Variants in AKR1C8 observed in about 807,000 individuals in gnomAD.
AKR1C8 encodes the protein aldo-keto reductase family 1 member C-like protein 1.
At chr10:5,157,764 C>A in the AKR1C8 span, 1 of 471,672 alleles carries the variant, frequency 2.1e-6, no homozygotes, top group Admixed American at 2.3e-5. Flanking sequence ...ATTTCAAGAT[C>A]GGCTCCTCCA....
the AKR1C8 span, among the ~76,000 whole-genome samples, chr10:5,175,801 T>C: frequency 4.0e-5 from 6 of 150,158 alleles, no homozygotes; most frequent in Admixed American, 4.0e-4. Flanking sequence ...GTTCATGAAC[T>C]TCGCCCACTT....
chr10:5,121,371 G>A, the AKR1C8 span, among the ~76,000 whole-genome samples: 1 of 152,124 alleles, frequency 6.6e-6, no homozygotes, highest in Non-Finnish European at 1.5e-5. Flanking sequence ...ATCTTATCTT[G>A]GTAGAGGCCA....
At chr10:5,118,038 T>C in the AKR1C8 span, among the ~76,000 whole-genome samples, 6 of 152,126 alleles carry the variant, frequency 3.9e-5, no homozygotes, top group Non-Finnish European at 8.8e-5. Context: ...TTCATCCCAA[T>C]AGTTCCCAAA....
chr10:5,169,098 C>A, the AKR1C8 span, among the ~76,000 whole-genome samples: 1 of 69,004 alleles, frequency 1.4e-5, no homozygotes, highest in East Asian at 2.3e-4. Context: ...GGTCATAGGT[C>A]CAAATAACAC....
At chr10:5,179,311 A>G in the AKR1C8 span, among the ~76,000 whole-genome samples, 2 of 151,936 alleles carry the variant, frequency 1.3e-5, no homozygotes, top group Non-Finnish European at 2.9e-5. Flanking sequence ...ATTGGCCCCC[A>G]CTCTCTTCTG....
chr10:5,119,248 C>T, the AKR1C8 span, among the ~76,000 whole-genome samples: 1 of 152,096 alleles, frequency 6.6e-6, no homozygotes, highest in Admixed American at 6.6e-5. Context: ...GAACTAACAC[C>T]ATGCCAGAAC....
At chr10:5,117,815 A>G in the AKR1C8 span, among the ~76,000 whole-genome samples, 1 of 152,140 alleles carries the variant, frequency 6.6e-6, no homozygotes, top group African/African-American at 2.4e-5. Flanking sequence ...AGCAGCTATG[A>G]AAAAAGTAAT....
chr10:5,156,165 G>C, the AKR1C8 span, among the ~76,000 whole-genome samples: 4,778 of 152,192 alleles, frequency 0.031, 253 homozygotes, highest in African/African-American at 0.11. Context: ...TCCAGCCTTG[G>C]AATGACAGAG....
the AKR1C8 span, among the ~76,000 whole-genome samples, chr10:5,165,340 C>G: frequency 5.0e-3 from 764 of 152,262 alleles, 3 homozygotes; most frequent in Admixed American, 7.1e-3. Context: ...TGGAAAAAAT[C>G]TGGAGTCAGA....
the AKR1C8 span, among the ~76,000 whole-genome samples, chr10:5,147,757 T>G: frequency 6.6e-6 from 1 of 152,166 alleles, no homozygotes; most frequent in Non-Finnish European, 1.5e-5. Context: ...CTCTTACAGG[T>G]TGGAGTTCTA....
the AKR1C8 span, chr10:5,160,095 T>C: frequency 3.5e-6 from 1 of 287,844 alleles, no homozygotes; most frequent in Middle Eastern, 9.2e-4. Flanking sequence ...AAATCTGTTT[T>C]AACATATATA....
the AKR1C8 span, among the ~76,000 whole-genome samples, chr10:5,128,722 A>T: frequency 6.6e-6 from 1 of 152,072 alleles, no homozygotes; most frequent in Non-Finnish European, 1.5e-5. Flanking sequence ...AAAAGAATCA[A>T]TCCAGCAAGA....
the AKR1C8 span, among the ~76,000 whole-genome samples, chr10:5,163,453 C>T: frequency 6.6e-6 from 1 of 152,266 alleles, no homozygotes; most frequent in Admixed American, 6.5e-5. Flanking sequence ...TGCAAAGCAA[C>T]CCCAAAGCTC....
the AKR1C8 span, among the ~76,000 whole-genome samples, chr10:5,121,682 C>G: frequency 6.6e-6 from 1 of 151,998 alleles, no homozygotes; most frequent in Non-Finnish European, 1.5e-5. Flanking sequence ...TTATGTCTTA[C>G]GTTGCCTCGG....
the AKR1C8 span, among the ~76,000 whole-genome samples, chr10:5,125,150 G>C: frequency 6.6e-6 from 1 of 151,640 alleles, no homozygotes; most frequent in Non-Finnish European, 1.5e-5. Flanking sequence ...CTTTTATTAG[G>C]TATACTTTTG....
At chr10:5,166,068 GAA>G in the AKR1C8 span, among the ~76,000 whole-genome samples, 1 of 151,976 alleles carries the variant, frequency 6.6e-6, no homozygotes, top group South Asian at 2.1e-4. Flanking sequence ...CTAAAAAGAA[GAA>G]AGAGACTAAG....
chr10:5,167,689 T>A, the AKR1C8 span, among the ~76,000 whole-genome samples: 1 of 152,066 alleles, frequency 6.6e-6, no homozygotes, highest in Non-Finnish European at 1.5e-5. Context: ...AAATGACTAG[T>A]TACTGGATGC....
the AKR1C8 span, among the ~76,000 whole-genome samples, chr10:5,144,879 T>A: frequency 6.6e-6 from 1 of 152,148 alleles, no homozygotes; most frequent in South Asian, 2.1e-4. Flanking sequence ...TCCTGCCTAA[T>A]TGCCCTGGCC....
At chr10:5,118,639 C>T in the AKR1C8 span, among the ~76,000 whole-genome samples, 59,429 of 151,732 alleles carry the variant, frequency 0.39, 12,399 homozygotes, top group Non-Finnish European at 0.43. Flanking sequence ...TATAAGAGGG[C>T]GAGAGAAGCT....
Sources: gnomAD v4.1 joint callset for allele counts (sites outside exome capture counted in the v4.1 genomes callset) on GRCh38, gnomAD v4.1.1 for gene constraint, MANE v1.5 for transcripts, NCBI Gene and HGNC (gene_info 2026-07-23, HGNC 2026-07-21) for gene names.